STK39: variants seen among roughly 807,000 people sequenced by gnomAD.
STK39 encodes serine/threonine kinase 39.
In STK39, 20 loss-of-function variants were observed where a neutral mutation model predicts 77.8. That is an observed-to-expected ratio of 0.26 (90% confidence interval 0.18 to 0.37). The LOEUF is 0.37. Among genes scored for constraint, STK39 ranks in the 10% least tolerant of loss-of-function variants. The pLI is 1.00. For synonymous variants in STK39, 246 were observed against 234.1 expected (o/e 1.05, Z -0.47); for missense variants, 479 against 656.5 (o/e 0.73, Z 2.95).
At chr2:168,126,649 A>T (rs1390827844) in intron 10 of STK39, among the ~76,000 whole-genome samples, 1 of 152,156 alleles carries the variant, frequency 6.6e-6, no homozygotes, top group East Asian at 1.9e-4. Flanking sequence ...AAACAGTTTC[A>T]AAGGGCTTTT....
At chr2:168,127,817 T>G (rs1404444311) in intron 10 of STK39, among the ~76,000 whole-genome samples, 1 of 152,138 alleles carries the variant, frequency 6.6e-6, no homozygotes, top group Non-Finnish European at 1.5e-5. Context: ...AGTTAGAAAT[T>G]TATTGCAATT....
intron 1 of STK39, among the ~76,000 whole-genome samples, chr2:168,230,952 CACAGACCTGACT>C (rs781570827): frequency 1.4e-4 from 21 of 152,174 alleles, no homozygotes; most frequent in Non-Finnish European, 2.6e-4. Context: ...TCCCTGGCTT[CACAGACCTGACT>C]ACAGAATCCC....
intron 16 of STK39, among the ~76,000 whole-genome samples, chr2:168,011,162 G>A (rs567435646): frequency 8.5e-5 from 13 of 152,248 alleles, no homozygotes; most frequent in African/African-American, 2.9e-4. Context: ...GCCAGGCACG[G>A]TGGCATGCGT....
chr2:168,199,179 G>A (rs996884418), intron 1 of STK39, among the ~76,000 whole-genome samples: 11 of 152,182 alleles, frequency 7.2e-5, no homozygotes, highest in African/African-American at 2.2e-4. Flanking sequence ...GTGGACATGA[G>A]TTAAAACCAC....
At chr2:168,125,856 C>T (rs1335378870) in intron 10 of STK39, among the ~76,000 whole-genome samples, 1 of 152,178 alleles carries the variant, frequency 6.6e-6, no homozygotes, top group Non-Finnish European at 1.5e-5. Flanking sequence ...TGGCTCCCAA[C>T]AAAAACATCA....
chr2:168,142,862 T>C (rs949505486), intron 5 of STK39, among the ~76,000 whole-genome samples: 2 of 152,232 alleles, frequency 1.3e-5, no homozygotes, highest in Non-Finnish European at 2.9e-5. Flanking sequence ...CTGATGTGTA[T>C]ACAGATTATA....
chr2:167,963,544 C>A (rs1351144463), intron 17 of STK39, among the ~76,000 whole-genome samples: 1 of 150,938 alleles, frequency 6.6e-6, no homozygotes, highest in Non-Finnish European at 1.5e-5. Flanking sequence ...AAAACACACA[C>A]ATTAAGAGGT....
intron 1 of STK39, among the ~76,000 whole-genome samples, chr2:168,227,599 T>A (rs1364454184): frequency 2.0e-5 from 3 of 152,198 alleles, no homozygotes; most frequent in African/African-American, 7.2e-5. Flanking sequence ...TTCAAACACA[T>A]CCACAAACAG....
intron 14 of STK39, among the ~76,000 whole-genome samples, chr2:168,025,960 C>G (rs1684688316): frequency 6.6e-6 from 1 of 152,156 alleles, no homozygotes; most frequent in Admixed American, 6.5e-5. Flanking sequence ...ATTCAGTAAG[C>G]CACTTCACCT....
intron 1 of STK39, among the ~76,000 whole-genome samples, chr2:168,202,783 A>G (rs980494050): frequency 6.6e-6 from 1 of 152,134 alleles, no homozygotes; most frequent in African/African-American, 2.4e-5. Context: ...GAGAGTAAAG[A>G]GGCTGTAAAA....
intron 12 of STK39, among the ~76,000 whole-genome samples, chr2:168,067,760 G>A (rs935280198): frequency 2.0e-5 from 3 of 152,170 alleles, no homozygotes; most frequent in Non-Finnish European, 2.9e-5. Context: ...ATATTAAGCA[G>A]CTGTCAATTT....
At chr2:168,183,254 C>T (rs1014035708) in intron 1 of STK39, among the ~76,000 whole-genome samples, 1 of 152,146 alleles carries the variant, frequency 6.6e-6, no homozygotes, top group African/African-American at 2.4e-5. Flanking sequence ...TCACCCTACT[C>T]CTCCAAACCC....
intron 1 of STK39, among the ~76,000 whole-genome samples, chr2:168,210,165 A>G (rs944949929): frequency 7.2e-5 from 11 of 152,302 alleles, no homozygotes; most frequent in African/African-American, 2.6e-4. Flanking sequence ...ATCCATTGAT[A>G]AAATAGGCAT....
intron 13 of STK39, 78 bp from the exon 14 acceptor site, chr2:168,063,648 C>T (rs1490938150): frequency 2.3e-6 from 3 of 1,326,598 alleles, no homozygotes; most frequent in Non-Finnish European, 3.2e-6. Context: ...TCACTTGATT[C>T]ATATAGCCAT....
intron 8 of STK39, among the ~76,000 whole-genome samples, chr2:168,136,499 G>A (rs557566581): frequency 6.3e-4 from 95 of 151,934 alleles, no homozygotes; most frequent in African/African-American, 1.7e-3. Flanking sequence ...GTACACTAAC[G>A]ATTCTACCCT....
At chr2:167,992,030 G>A (rs13429840) in intron 16 of STK39, among the ~76,000 whole-genome samples, 20,983 of 151,878 alleles carry the variant, frequency 0.14, 1,622 homozygotes, top group Middle Eastern at 0.19. Context: ...CTAGGTCTGC[G>A]GAGATGACGT....
chr2:168,219,082 A>G (rs1690097661), intron 1 of STK39, among the ~76,000 whole-genome samples: 2 of 152,126 alleles, frequency 1.3e-5, no homozygotes, highest in Non-Finnish European at 2.9e-5. Flanking sequence ...AGATTCACAT[A>G]ATTTGTATAT....
At chr2:168,093,764 T>C (rs1032376361) in intron 10 of STK39, among the ~76,000 whole-genome samples, 1 of 152,146 alleles carries the variant, frequency 6.6e-6, no homozygotes, top group Non-Finnish European at 1.5e-5. Context: ...CACTGCTGCC[T>C]CAGAGCTCTC....
rs867892037 is a variant in STK39 at position 167,977,650 on chromosome 2, G to T, written c.1499-12924C>A. ...AAAAGTACTTTGTTTCTTTGAAAAT[G>T]AGTAAGGATTCTATAGGTGTCTTAA... On this transcript the variant is annotated intron_variant, in intron 16 of 17. Transcript: ENST00000355999. Among the ~76,000 whole-genome samples the T allele has an allele frequency of 3.3e-5, 5 of 151,614 alleles. No homozygotes were observed. In the South Asian group the frequency reaches 1.0e-3, roughly 32 times the overall value.
Sources: allele counts gnomAD v4.1 joint callset (sites outside exome capture counted in the v4.1 genomes callset), GRCh38; gene constraint gnomAD v4.1.1; transcripts MANE v1.5; gene names NCBI Gene and HGNC (gene_info 2026-07-23, HGNC 2026-07-21).